The following CHIC2 variants were observed in gnomAD, a reference collection of about 807,000 sequenced individuals.
CHIC2 encodes cysteine-rich hydrophobic domain-containing protein 2.
CHIC2 carries 14 observed loss-of-function variants against 25.9 expected under a neutral mutation model. The ratio of observed to expected loss-of-function variants is 0.54; its 90% CI spans 0.36 to 0.85. The LOEUF (loss-of-function observed/expected upper bound fraction) is 0.85. CHIC2 is among the 40% of genes least tolerant of loss of function. The pLI, the probability that CHIC2 is intolerant of heterozygous loss-of-function variation, is 0.01. For missense variants in CHIC2, 146 were observed against 202.0 expected (o/e 0.72, Z 1.68); for synonymous variants, 70 against 72.0 (o/e 0.97, Z 0.14).
chr4:54,079,601 C>A, the CHIC2 span, among the ~76,000 whole-genome samples: 1 of 151,944 alleles, frequency 6.6e-6, no homozygotes, highest in East Asian at 1.9e-4. Context: ...TAAAGATAGG[C>A]AAAGGACCAG....
At chr4:54,051,157 G>A (rs1459759445) in intron 1 of CHIC2, among the ~76,000 whole-genome samples, 1 of 151,942 alleles carries the variant, frequency 6.6e-6, no homozygotes, top group Non-Finnish European at 1.5e-5. Context: ...GCCTCTGGTT[G>A]TAATATATTG....
At chr4:54,056,494 G>A (rs1717180531) in intron 1 of CHIC2, among the ~76,000 whole-genome samples, 1 of 152,084 alleles carries the variant, frequency 6.6e-6, no homozygotes, top group Non-Finnish European at 1.5e-5. Context: ...GTTTAGAAAA[G>A]ACCAAGAAAG....
At chr4:54,015,540 A>G (rs932799511) in intron 3 of CHIC2, among the ~76,000 whole-genome samples, 2 of 152,116 alleles carry the variant, frequency 1.3e-5, no homozygotes, top group Non-Finnish European at 2.9e-5. Context: ...ATTAACATTC[A>G]GTTCGGTCGT....
At chr4:54,011,899 A>G (rs1333050820) in intron 5 of CHIC2, among the ~76,000 whole-genome samples, 2 of 151,998 alleles carry the variant, frequency 1.3e-5, no homozygotes, top group Non-Finnish European at 2.9e-5. Flanking sequence ...TTTTAACAAA[A>G]TTAAATTCCT....
intron 3 of CHIC2, among the ~76,000 whole-genome samples, chr4:54,045,484 G>C (rs2110082016): frequency 6.6e-6 from 1 of 152,270 alleles, no homozygotes; most frequent in East Asian, 1.9e-4. Context: ...GGGATGCAAG[G>C]CTGGTTCAAC....
intron 3 of CHIC2, among the ~76,000 whole-genome samples, chr4:54,032,395 G>T (rs1716258126): frequency 6.6e-6 from 1 of 151,606 alleles, no homozygotes; most frequent in South Asian, 2.1e-4. Context: ...CCTGCCGAGT[G>T]CCTGCGATTG....
At chr4:54,041,695 G>A (rs1423016307) in intron 3 of CHIC2, among the ~76,000 whole-genome samples, 2 of 151,974 alleles carry the variant, frequency 1.3e-5, no homozygotes, top group Non-Finnish European at 2.9e-5. Context: ...TGTAATCCAT[G>A]TATTTTTACC....
intron 3 of CHIC2, among the ~76,000 whole-genome samples, chr4:54,041,596 C>A (rs1020690729): frequency 3.9e-5 from 6 of 152,092 alleles, no homozygotes; most frequent in African/African-American, 1.4e-4. Context: ...GTTGCTATCT[C>A]ATTTTGTATG....
At chr4:54,017,435 AGATT>A (rs2110061426) in intron 3 of CHIC2, among the ~76,000 whole-genome samples, 1 of 152,344 alleles carries the variant, frequency 6.6e-6, no homozygotes, top group Non-Finnish European at 1.5e-5. Flanking sequence ...GAAAAGCACC[AGATT>A]GATAGTCATG....
chr4:54,033,141 T>G lies in CHIC2; in HGVS notation c.330+15814A>C, dbSNP rs116343322. 6.7e-3 allele frequency among the ~76,000 whole-genome samples: 1,026 copies of G among 152,318 alleles called. 13 individuals carry two copies. The highest frequency in any genetic ancestry group is 7.8e-3 in the Non-Finnish European group (532 of 68,014). On this transcript the variant is annotated intron_variant, in intron 3 of 5. Coordinates refer to ENST00000263921, the MANE Select transcript of CHIC2 (RefSeq NM_012110.4). ...GCTTCTTGTACAGCCTGTAGAACCATGAGCCAATTAAACCTCTTCATTATA... is the reference window on the plus strand; with the variant it reads ...GCTTCTTGTACAGCCTGTAGAACCAGGAGCCAATTAAACCTCTTCATTATA...
chr4:54,065,561 G>C (rs560959796), upstream of CHIC2, among the ~76,000 whole-genome samples: 154 of 152,314 alleles, frequency 1.0e-3, no homozygotes, highest in African/African-American at 3.4e-3. Context: ...GAAGGAAAAG[G>C]TTTAATGGAG....
chr4:54,062,258 TGATA>T (rs749590815), intron 1 of CHIC2, among the ~76,000 whole-genome samples: 36 of 152,196 alleles, frequency 2.4e-4, no homozygotes, highest in Non-Finnish European at 5.0e-4. Context: ...TGTTTATTGA[TGATA>T]GATAGTCCCT....
intron 1 of CHIC2, among the ~76,000 whole-genome samples, chr4:54,051,570 T>C (rs887403586): frequency 2.6e-5 from 4 of 152,040 alleles, no homozygotes; most frequent in Admixed American, 6.6e-5. Flanking sequence ...GAGAAAAAAA[T>C]GTCATGGAAT....
intron 3 of CHIC2, among the ~76,000 whole-genome samples, chr4:54,047,483 GTTCATGT>G: frequency 1.3e-5 from 2 of 152,148 alleles, no homozygotes; most frequent in South Asian, 4.2e-4. Context: ...AAAAGGATGA[GTTCATGT>G]CCTTTGTAAG....
intron 3 of CHIC2, among the ~76,000 whole-genome samples, chr4:54,045,285 C>T (rs1201237362): frequency 2.0e-5 from 3 of 152,170 alleles, no homozygotes; most frequent in African/African-American, 2.4e-5. Context: ...AGGAATCCTC[C>T]CTAACTCATT....
chr4:54,084,600 C>T, the CHIC2 span, among the ~76,000 whole-genome samples: 6 of 152,134 alleles, frequency 3.9e-5, no homozygotes, highest in East Asian at 1.2e-3. Context: ...GTCACTGATG[C>T]TTTAGAGCAC....
chr4:54,055,070 G>A (rs985368536), intron 1 of CHIC2, among the ~76,000 whole-genome samples: 3 of 152,112 alleles, frequency 2.0e-5, no homozygotes, highest in Non-Finnish European at 4.4e-5. Context: ...TATAGCAGAT[G>A]TACCAAAATG....
chr4:54,063,927 C>G (rs559842919), intron 1 of CHIC2, among the ~76,000 whole-genome samples: 2 of 152,376 alleles, frequency 1.3e-5, no homozygotes, highest in African/African-American at 4.8e-5. Flanking sequence ...TAATGAAAAC[C>G]CGTGCCTACT....
chr4:54,016,721 ATC>A lies in CHIC2; in HGVS notation c.331-2604_331-2603del, dbSNP rs1161777277. Among the ~76,000 whole-genome samples the A allele has an allele frequency of 4.3e-4, 66 of 152,256 alleles. 1 individual carries two copies. Among genetic ancestry groups the A allele is most frequent in the Non-Finnish European group, 2.9e-5 (2 of 68,010 alleles). Reference sequence around the variant, plus strand: ...AGCTTAATTAATCATTGCACTTGACATCTCAATGATTTACAGTGAGGAGCAGG... The same window carrying A: ...AGCTTAATTAATCATTGCACTTGACATCAATGATTTACAGTGAGGAGCAGG... On this transcript the variant is annotated intron_variant, in intron 3 of 5. Transcript: ENST00000263921.
Sources: gnomAD v4.1 joint callset for allele counts (sites outside exome capture counted in the v4.1 genomes callset) on GRCh38, gnomAD v4.1.1 for gene constraint, MANE v1.5 for transcripts, NCBI Gene and HGNC (gene_info 2026-07-23, HGNC 2026-07-21) for gene names.